DOCK10: variants seen among roughly 807,000 people sequenced by gnomAD.
The protein encoded by DOCK10 is dedicator of cytokinesis protein 10.
DOCK10 carries 145 observed loss-of-function variants against 280.1 expected under a neutral mutation model. That is an observed-to-expected ratio of 0.52 (90% CI 0.45 to 0.59). The LOEUF is 0.59. Ranked by LOEUF, DOCK10 falls within the 20% of genes least tolerant of loss-of-function variation. The pLI is 0.00. For synonymous variants in DOCK10, 915 were observed against 942.2 expected, an observed-to-expected ratio of 0.97 and a Z score of 0.53; for missense variants, 2,368 against 2,651.7, an observed-to-expected ratio of 0.89 and a Z score of 2.35.
intron 1 of DOCK10, among the ~76,000 whole-genome samples, chr2:224,972,914 TG>T (rs1705178862): frequency 6.6e-6 from 1 of 152,244 alleles, no homozygotes; most frequent in South Asian, 2.1e-4. Context: ...AATAAACTTA[TG>T]TTCTTTGAAT....
At chr2:224,996,006 G>A (rs1217774086) in intron 1 of DOCK10, among the ~76,000 whole-genome samples, 1 of 152,136 alleles carries the variant, frequency 6.6e-6, no homozygotes, top group Non-Finnish European at 1.5e-5. Context: ...ACTGACTATG[G>A]GGTAATTTGA....
intron 1 of DOCK10, among the ~76,000 whole-genome samples, chr2:224,976,682 T>TAAA (rs34819325): frequency 4.6e-5 from 6 of 130,260 alleles, no homozygotes; most frequent in African/African-American, 1.2e-4. Flanking sequence ...CAAAGTTAAT[T>TAAA]AAAAAAAAAA....
intron 1 of DOCK10, among the ~76,000 whole-genome samples, chr2:225,018,533 T>TGGAGAGGTTCCTAGGCCTTTCCAA (rs1559965820): frequency 3.8e-4 from 4 of 10,444 alleles, no homozygotes; most frequent in African/African-American, 7.1e-4. Flanking sequence ...ATAATATATA[T>TGGAGAGGTTCCTAGGCCTTTCCAA]GTAATATTAT....
intron 48 of DOCK10, 49 bp from the exon 49 acceptor site, chr2:224,787,446 C>T: frequency 6.2e-7 from 1 of 1,601,444 alleles, no homozygotes; most frequent in Non-Finnish European, 8.5e-7. Context: ...AGGGTTGTGG[C>T]TCATGCCTGA....
rs955600934 is a variant in DOCK10, at chr2:224,807,641, G to GATA, written c.3702+26_3702+27insTAT. On this transcript the variant is annotated intron_variant, in intron 33 of 55. Coordinates refer to ENST00000258390, the MANE Select transcript of DOCK10 (RefSeq NM_014689.3). Reference sequence around the variant, plus strand: ...AAAAGACAAATTCTTTATTAACATAGAAATGTGACATATTGTGCAAACGTA... The same window carrying GATA: ...AAAAGACAAATTCTTTATTAACATAGATAAAATGTGACATATTGTGCAAACGTA... 2.9e-6 allele frequency: 4 copies of GATA among 1,382,558 alleles called. No individual in the cohort carries two copies. The Admixed American group carries it at 6.8e-5, about 24-fold the overall frequency. 85.6% of individuals were successfully genotyped at this position (1,382,558 alleles called of 1,614,324 possible). A position where few individuals can be genotyped will look rare whatever the true frequency, so the allele number is the denominator to read the frequency against.
chr2:224,933,379 C>G (rs1702508759), intron 1 of DOCK10, among the ~76,000 whole-genome samples: 1 of 152,124 alleles, frequency 6.6e-6, no homozygotes, highest in Non-Finnish European at 1.5e-5. Context: ...CATTTATTTT[C>G]TTTTTAATTG....
rs1257324515 is a variant in DOCK10 at position 224,807,509 on chromosome 2, TG to T, written c.3702+158del. ...CAGGTGGAGGCTAAAGGGACCTATC[TG>T]GAACAAATGACACATTGATGTGAGT... is the stretch of plus-strand genomic sequence containing the variant. On this transcript the variant is annotated intron_variant, in intron 33 of 55. Coordinates refer to ENST00000258390, the MANE Select transcript of DOCK10 (RefSeq NM_014689.3). 2.7e-5 allele frequency: 15 copies of T among 564,696 alleles called. No homozygotes were observed. In the East Asian group the frequency reaches 4.3e-4, roughly 16 times the overall value. The allele number at this position is 564,696 out of a possible 1,614,324, so 35.0% of individuals were successfully genotyped here. A position where few individuals can be genotyped will look rare whatever the true frequency, so the allele number is the denominator to read the frequency against.
At chr2:224,796,265 A>T in intron 44 of DOCK10, 51 bp downstream of exon 44, 1 of 1,125,600 alleles carries the variant, frequency 8.9e-7, no homozygotes. Context: ...AAAAGAATCC[A>T]CTTCAGATTT....
chr2:224,960,900 C>G (rs370458888), intron 1 of DOCK10, among the ~76,000 whole-genome samples: 1 of 151,888 alleles, frequency 6.6e-6, no homozygotes, highest in African/African-American at 2.4e-5. Context: ...CCACCGCGCC[C>G]GGCTAATTTT....
intron 11 of DOCK10, among the ~76,000 whole-genome samples, chr2:224,868,161 T>C (rs946906638): frequency 6.6e-6 from 1 of 151,866 alleles, no homozygotes; most frequent in Non-Finnish European, 1.5e-5. Flanking sequence ...ACTTATAAAA[T>C]GGATTGGGAA....
intron 1 of DOCK10, among the ~76,000 whole-genome samples, chr2:225,031,867 C>A (rs1289525531): frequency 6.6e-6 from 1 of 152,172 alleles, no homozygotes; most frequent in Non-Finnish European, 1.5e-5. Context: ...GTCAGAAGAA[C>A]CTGACTTGCC....
chr2:224,825,059 A>C (rs1298783638), intron 27 of DOCK10, among the ~76,000 whole-genome samples: 2 of 149,382 alleles, frequency 1.3e-5, no homozygotes, highest in African/African-American at 4.9e-5. Context: ...AGATCACTGC[A>C]ACCTCCGCCT....
Position 224,864,566 on chromosome 2 carries a change from G to C in DOCK10, c.1589C>G (p.Pro530Arg). The C allele has an allele frequency of 6.3e-7, 1 of 1,599,584 alleles. No homozygotes were observed. The highest frequency in any genetic ancestry group is 8.5e-7 in the Non-Finnish European group (1 of 1,176,112). ...ASGAEPYIKN[P>R]DSNKYAQKIL... is the part of the protein sequence containing the mutation. The stretch of plus-strand genomic sequence containing the variant: ...ATTATACATTACCTTGTTGGAGTCT[G>C]GGTTCTTAATATAAGGTTCGGCACC... Residue 530 changes from proline to arginine, a missense_variant, in exon 13 of 56, where the codon CCA (proline) becomes CGA (arginine). Physicochemically the swap from Pro to Arg is moderately radical, Grantham distance 103. Coordinates refer to ENST00000258390, the MANE Select transcript of DOCK10 (RefSeq NM_014689.3).
At chr2:224,917,280 AT>A (rs1701390432) in intron 2 of DOCK10, among the ~76,000 whole-genome samples, 1 of 151,134 alleles carries the variant, frequency 6.6e-6, no homozygotes, top group Non-Finnish European at 1.5e-5. Context: ...TAATTTTTGT[AT>A]TTTTTAGTAG....
intron 24 of DOCK10, 108 bp downstream of exon 24, chr2:224,839,846 T>C: frequency 2.1e-6 from 1 of 484,706 alleles, no homozygotes; most frequent in Non-Finnish European, 3.7e-6. Context: ...TGAGATGTGT[T>C]CAAATGAAAT....
chr2:224,935,315 C>A (rs961370810), intron 1 of DOCK10, among the ~76,000 whole-genome samples: 1 of 152,158 alleles, frequency 6.6e-6, no homozygotes, highest in Admixed American at 6.5e-5. Flanking sequence ...AGAAAATAAG[C>A]ATTTGAAGTA....
At chr2:224,976,622 C>T (rs1476136369) in intron 1 of DOCK10, among the ~76,000 whole-genome samples, 3 of 149,894 alleles carry the variant, frequency 2.0e-5, no homozygotes, top group African/African-American at 7.4e-5. Flanking sequence ...GGGAAAAAAC[C>T]AAGTTCCCTG....
intron 23 of DOCK10, among the ~76,000 whole-genome samples, chr2:224,840,762 T>C (rs1215334869): frequency 1.3e-5 from 2 of 152,204 alleles, no homozygotes; most frequent in East Asian, 3.8e-4. Flanking sequence ...CACTACTGGA[T>C]GTATATCCAA....
At chr2:224,874,586 G>T in intron 9 of DOCK10, 80 bp downstream of exon 9, 1 of 1,359,982 alleles carries the variant, frequency 7.4e-7, no homozygotes, top group Non-Finnish European at 1.0e-6. Flanking sequence ...TTAAAAGAAA[G>T]CATTTACGTC....
Sources: allele counts gnomAD v4.1 joint callset (sites outside exome capture counted in the v4.1 genomes callset), GRCh38; gene constraint gnomAD v4.1.1; transcripts MANE v1.5; gene names NCBI Gene and HGNC (gene_info 2026-07-23, HGNC 2026-07-21).